The following LARGE1 variants were observed in gnomAD, a reference collection of about 807,000 sequenced individuals.
The protein encoded by LARGE1 is xylosyl- and glucuronyltransferase LARGE1.
A neutral mutation model predicts 87.6 loss-of-function variants in LARGE1; 43 were observed. The observed-to-expected ratio is 0.49, with a 90% confidence interval of 0.38 to 0.63. The LOEUF (loss-of-function observed/expected upper bound fraction) is 0.63. Ranked by LOEUF, LARGE1 falls within the 30% of genes least tolerant of loss-of-function variation. LARGE1 has a pLI of 0.00. For synonymous variants in LARGE1, 434 were observed against 394.6 expected (o/e 1.10, Z -1.18); for missense variants, 802 against 1,000.2 (o/e 0.80, Z 2.67).
chr22:33,681,951 A>G (rs1312627919), intron 2 of LARGE1, among the ~76,000 whole-genome samples: 1 of 152,178 alleles, frequency 6.6e-6, no homozygotes, highest in Admixed American at 6.5e-5. Flanking sequence ...AGCAGATAAC[A>G]GGAAAAGGCT....
At chr22:33,869,653 A>T (rs540963071) in intron 1 of LARGE1, among the ~76,000 whole-genome samples, 1 of 152,300 alleles carries the variant, frequency 6.6e-6, no homozygotes, top group East Asian at 1.9e-4. Context: ...ACCAGCACAT[A>T]GGTGTGTACC....
At chr22:33,680,719 T>G (rs759010680) in intron 2 of LARGE1, among the ~76,000 whole-genome samples, 4 of 152,076 alleles carry the variant, frequency 2.6e-5, no homozygotes, top group Non-Finnish European at 2.9e-5. Context: ...ATCTTGACTT[T>G]CAGATGTCTC....
At chr22:33,305,929 C>G (rs1934837375) in intron 11 of LARGE1, among the ~76,000 whole-genome samples, 1 of 151,210 alleles carries the variant, frequency 6.6e-6, no homozygotes, top group Non-Finnish European at 1.5e-5. Flanking sequence ...AGCTCCGCCT[C>G]CCGGGTTCAC....
intron 9 of LARGE1, among the ~76,000 whole-genome samples, chr22:33,349,432 C>G (rs939580387): frequency 6.6e-6 from 1 of 152,186 alleles, no homozygotes; most frequent in Non-Finnish European, 1.5e-5. Context: ...TATACACGCT[C>G]CATTCCCACA....
At chr22:33,089,739 T>C in the LARGE1 span, among the ~76,000 whole-genome samples, 10 of 147,200 alleles carry the variant, frequency 6.8e-5, no homozygotes, top group Admixed American at 2.8e-4. Flanking sequence ...TCAAGTGATC[T>C]TCCTGCCTTG....
At chr22:33,254,379 T>C (rs1927155449) in intron 11 of LARGE1, among the ~76,000 whole-genome samples, 1 of 152,170 alleles carries the variant, frequency 6.6e-6, no homozygotes, top group South Asian at 2.1e-4. Flanking sequence ...AGTAGGCCCA[T>C]TGTTGAAGAG....
intron 1 of LARGE1, among the ~76,000 whole-genome samples, chr22:33,771,245 T>C (rs959806313): frequency 6.6e-6 from 1 of 151,872 alleles, no homozygotes; most frequent in Non-Finnish European, 1.5e-5. Flanking sequence ...AATCCCCTTC[T>C]GTAAGTACTC....
At chr22:33,588,258 A>G (rs2078736606) in intron 5 of LARGE1, among the ~76,000 whole-genome samples, 1 of 152,252 alleles carries the variant, frequency 6.6e-6, no homozygotes, top group Non-Finnish European at 1.5e-5. Flanking sequence ...CATCAAAGGT[A>G]TTTAACAAAT....
At chr22:33,279,221 G>A (rs991971462) in intron 13 of LARGE1, among the ~76,000 whole-genome samples, 1 of 152,158 alleles carries the variant, frequency 6.6e-6, no homozygotes, top group Middle Eastern at 3.2e-3. Flanking sequence ...TGAAGGACTA[G>A]ACAGGGCCCA....
intron 6 of LARGE1, among the ~76,000 whole-genome samples, chr22:33,518,345 C>A (rs371746236): frequency 1.3e-5 from 2 of 152,358 alleles, no homozygotes; most frequent in South Asian, 4.1e-4. Flanking sequence ...TTTTGAGACA[C>A]TCTCACTCTG....
the LARGE1 span, among the ~76,000 whole-genome samples, chr22:33,075,723 A>G: frequency 1.6e-4 from 24 of 152,318 alleles, no homozygotes; most frequent in Non-Finnish European, 2.9e-4. Context: ...TATGGTCTTG[A>G]GTAATTAAAT....
intron 6 of LARGE1, among the ~76,000 whole-genome samples, chr22:33,500,726 G>C (rs779349955): frequency 5.3e-5 from 8 of 152,150 alleles, no homozygotes; most frequent in Non-Finnish European, 1.0e-4. Flanking sequence ...TGATTGTTGG[G>C]AGATTAAATA....
At chr22:33,906,728 G>C (rs1459742354) in intron 1 of LARGE1, among the ~76,000 whole-genome samples, 2 of 152,102 alleles carry the variant, frequency 1.3e-5, no homozygotes, top group African/African-American at 4.8e-5. Context: ...GCAACCATTT[G>C]CTTTTACCTT....
At chr22:33,399,844 G>A (rs763871116) in intron 7 of LARGE1, among the ~76,000 whole-genome samples, 4 of 152,156 alleles carry the variant, frequency 2.6e-5, no homozygotes, top group East Asian at 1.9e-4. Flanking sequence ...CACCACGCCC[G>A]GCCAACTTCT....
chr22:33,130,365 C>T, the LARGE1 span, among the ~76,000 whole-genome samples: 2 of 147,690 alleles, frequency 1.4e-5, no homozygotes, highest in Non-Finnish European at 3.0e-5. Flanking sequence ...TGGTGCATTC[C>T]TGTAGTCCCA....
rs3819667 is a variant in LARGE1 at position 33,830,424 on chromosome 22, C to T, written c.-82-68866G>A. Among the ~76,000 whole-genome samples the T allele has an allele frequency of 2.0e-3, 299 of 152,088 alleles. 1 individual carries two copies. Among genetic ancestry groups the T allele is most frequent in the Admixed American group, 2.4e-3 (36 of 15,284 alleles). ...AATTGTCAGGGACACATTTCCTCCA[C>T]GAGAGGCAGGAGGAAATGGTTCAAA... is the stretch of plus-strand genomic sequence containing the variant. On this transcript the variant is annotated intron_variant, in intron 1 of 14. Coordinates refer to ENST00000397394, the MANE Select transcript of LARGE1 (RefSeq NM_133642.5).
chr22:33,352,641 C>G (rs1940499480), intron 9 of LARGE1, among the ~76,000 whole-genome samples: 1 of 151,984 alleles, frequency 6.6e-6, no homozygotes, highest in Non-Finnish European at 1.5e-5. Context: ...CGCCTGTAAT[C>G]CCAGCTACTT....
intron 12 of LARGE1, among the ~76,000 whole-genome samples, chr22:33,286,989 AC>A (rs66813446): frequency 0.031 from 4,751 of 152,278 alleles, 237 homozygotes; most frequent in African/African-American, 0.11. Flanking sequence ...CAGGCTGAGC[AC>A]ATCAGTTTCT....
intron 9 of LARGE1, among the ~76,000 whole-genome samples, chr22:33,381,553 G>A (rs2065158619): frequency 6.6e-6 from 1 of 152,136 alleles, no homozygotes; most frequent in Admixed American, 6.5e-5. Flanking sequence ...TTGGAAGCAG[G>A]TTAATTATTC....
Sources: allele counts gnomAD v4.1 joint callset (sites outside exome capture counted in the v4.1 genomes callset), GRCh38; gene constraint gnomAD v4.1.1; transcripts MANE v1.5; gene names NCBI Gene and HGNC (gene_info 2026-07-23, HGNC 2026-07-21).